COX7B2: variants seen among roughly 807,000 people sequenced by gnomAD.
The protein encoded by COX7B2 is cytochrome c oxidase subunit 7B2, mitochondrial.
For synonymous variants in COX7B2, 37 were observed against 32.1 expected, an observed-to-expected ratio of 1.15 and a Z score of -0.51; for missense variants, 109 against 95.9, an observed-to-expected ratio of 1.14 and a Z score of -0.57.
chr4:46,869,159 T>C (rs770101486), intron 1 of COX7B2, among the ~76,000 whole-genome samples: 4 of 152,178 alleles, frequency 2.6e-5, no homozygotes, highest in Non-Finnish European at 5.9e-5. Context: ...TTTGTTGGTT[T>C]GAAATTGTTT....
At chr4:46,838,432 G>T (rs894724710) in intron 2 of COX7B2, among the ~76,000 whole-genome samples, 8 of 152,024 alleles carry the variant, frequency 5.3e-5, no homozygotes, top group African/African-American at 1.9e-4. Flanking sequence ...ATTAGATGAA[G>T]TGTGCAGGCC....
intron 1 of COX7B2, among the ~76,000 whole-genome samples, chr4:46,866,686 T>C (rs1031659686): frequency 3.9e-5 from 6 of 152,100 alleles, no homozygotes; most frequent in African/African-American, 1.2e-4. Flanking sequence ...CCCAGAATCA[T>C]TGGCCACCAA....
chr4:46,776,035 AG>A (rs1717135886), intron 2 of COX7B2, among the ~76,000 whole-genome samples: 1 of 152,178 alleles, frequency 6.6e-6, no homozygotes, highest in African/African-American at 2.4e-5. Context: ...ATTGTGTATT[AG>A]GAATGCTCCT....
chr4:46,873,702 G>A (rs2109829962), intron 1 of COX7B2, among the ~76,000 whole-genome samples: 1 of 152,134 alleles, frequency 6.6e-6, no homozygotes, highest in African/African-American at 2.4e-5. Flanking sequence ...TTAAGATCTA[G>A]GGTATATGTG....
intron 2 of COX7B2, among the ~76,000 whole-genome samples, chr4:46,803,735 T>TC (rs1031821100): frequency 1.5e-5 from 2 of 136,812 alleles, no homozygotes; most frequent in African/African-American, 6.1e-5. Context: ...TTACTTTCTT[T>TC]TTTTTTTTTT....
intron 2 of COX7B2, among the ~76,000 whole-genome samples, chr4:46,840,064 G>A (rs755373150): frequency 1.3e-5 from 2 of 151,942 alleles, no homozygotes; most frequent in African/African-American, 2.4e-5. Context: ...CCAAAGGAAG[G>A]CAATTGCTGG....
chr4:46,848,713 G>T (rs1488069309), intron 1 of COX7B2, among the ~76,000 whole-genome samples: 3 of 151,886 alleles, frequency 2.0e-5, no homozygotes, highest in Non-Finnish European at 4.4e-5. Flanking sequence ...TCCCTTTTAT[G>T]TATTCAATAC....
chr4:46,803,732 CTT>C (rs5858039), intron 2 of COX7B2, among the ~76,000 whole-genome samples: 3,869 of 123,226 alleles, frequency 0.031, 154 homozygotes, highest in African/African-American at 0.1. Context: ...GGTTTACTTT[CTT>C]TTTTTTTTTT....
At chr4:46,898,841 C>T (rs895375520) in intron 1 of COX7B2, among the ~76,000 whole-genome samples, 1 of 152,218 alleles carries the variant, frequency 6.6e-6, no homozygotes, top group East Asian at 1.9e-4. Context: ...GCCCTATATC[C>T]TTTTGCATAT....
intron 1 of COX7B2, among the ~76,000 whole-genome samples, chr4:46,869,871 T>C (rs893905240): frequency 7.2e-5 from 11 of 152,226 alleles, no homozygotes; most frequent in African/African-American, 2.4e-4. Flanking sequence ...TCTTCTTGCA[T>C]AGAGTCTTGA....
intron 1 of COX7B2, among the ~76,000 whole-genome samples, chr4:46,869,494 G>A (rs1717862282): frequency 1.3e-5 from 2 of 152,070 alleles, no homozygotes; most frequent in African/African-American, 2.4e-5. Context: ...GTGTCTTTTT[G>A]TAATAGCTCA....
At chr4:46,755,314 A>G (rs562275557) in intron 2 of COX7B2, among the ~76,000 whole-genome samples, 72 of 152,086 alleles carry the variant, frequency 4.7e-4, no homozygotes, top group Non-Finnish European at 8.7e-4. Flanking sequence ...GCCATATATG[A>G]CAAACTCACA....
chr4:46,841,580 C>T (rs149255877), intron 2 of COX7B2, among the ~76,000 whole-genome samples: 1 of 151,908 alleles, frequency 6.6e-6, no homozygotes, highest in African/African-American at 2.4e-5. Flanking sequence ...ACATCTGACC[C>T]AAGCAGGTCA....
At chr4:46,770,395 A>C (rs895093271) in intron 2 of COX7B2, among the ~76,000 whole-genome samples, 1 of 152,188 alleles carries the variant, frequency 6.6e-6, no homozygotes, top group Non-Finnish European at 1.5e-5. Context: ...TGAAACTAAA[A>C]TTGTTAAAAT....
At chr4:46,841,238 T>C (rs892552438) in intron 2 of COX7B2, among the ~76,000 whole-genome samples, 1 of 151,834 alleles carries the variant, frequency 6.6e-6, no homozygotes, top group Non-Finnish European at 1.5e-5. Flanking sequence ...GTTAGGAAAC[T>C]ATTCCAATTG....
chr4:46,781,451 C>T (rs898035400), intron 2 of COX7B2, among the ~76,000 whole-genome samples: 1 of 152,184 alleles, frequency 6.6e-6, no homozygotes, highest in Non-Finnish European at 1.5e-5. Context: ...TGGTTTCTGC[C>T]CTTCTCAAGA....
intron 1 of COX7B2, among the ~76,000 whole-genome samples, chr4:46,893,361 C>T (rs1359692611): frequency 1.3e-5 from 2 of 152,144 alleles, no homozygotes; most frequent in Non-Finnish European, 2.9e-5. Context: ...ATAAGTTATA[C>T]CCTTTGTACA....
Position 46,782,662 on chromosome 4 carries a change from T to C in COX7B2, c.-49-47421A>G, listed in dbSNP as rs188758894. On this transcript the variant is annotated intron_variant, in intron 2 of 2. Coordinates refer to ENST00000355591, the MANE Select transcript of COX7B2 (RefSeq NM_130902.3). ...TGCTCACTCTTTGGGTCTGCGCCAC[T>C]TTTAAGAGCTGTAACACTCACCATG... is the stretch of plus-strand genomic sequence containing the variant. Among the ~76,000 whole-genome samples, 184 of 152,322 alleles carry C rather than the reference T, an allele frequency of 1.2e-3. 1 individual carries two copies. The highest frequency in any genetic ancestry group is 4.2e-3 in the African/African-American group (174 of 41,562).
chr4:46,817,654 CTTAAGGA>C (rs1719624829), intron 2 of COX7B2, among the ~76,000 whole-genome samples: 1 of 152,178 alleles, frequency 6.6e-6, no homozygotes, highest in Non-Finnish European at 1.5e-5. Flanking sequence ...ACTCTTCCCT[CTTAAGGA>C]AACATGATAA....
Sources: allele counts gnomAD v4.1 joint callset (sites outside exome capture counted in the v4.1 genomes callset), GRCh38; gene constraint gnomAD v4.1.1; transcripts MANE v1.5; gene names NCBI Gene and HGNC (gene_info 2026-07-23, HGNC 2026-07-21).